The following LRRC63 variants were observed in gnomAD, a reference collection of about 807,000 sequenced individuals.
LRRC63 encodes leucine-rich repeat-containing protein 63.
Under a neutral mutation model 49.5 loss-of-function variants are expected in LRRC63, and 40 were observed. That is an observed-to-expected ratio of 0.81 (90% CI 0.63 to 1.05). The LOEUF is 1.05. Ranked by LOEUF, LRRC63 falls within the 50% of genes least tolerant of loss-of-function variation. The pLI, the probability that LRRC63 is intolerant of heterozygous loss-of-function variation, is 0.00. For missense variants in LRRC63, 636 were observed against 663.1 expected, an observed-to-expected ratio of 0.96 and a Z score of 0.45; for synonymous variants, 191 against 221.1, an observed-to-expected ratio of 0.86 and a Z score of 1.21.
chr13:46,253,026 G>A (rs1470506220), intron 7 of LRRC63, among the ~76,000 whole-genome samples: 1 of 151,940 alleles, frequency 6.6e-6, no homozygotes, highest in Non-Finnish European at 1.5e-5. Context: ...GGATGTGAGG[G>A]GATAAACAGA....
rs561926549 is a variant in LRRC63, at chr13:46,268,504, C to T, written c.1550+1532C>T. ...TACCTTGTGGTAAAACTGAAGAACC[C>T]CAAAGACAAAGATAAGAACCTAAAA... On this transcript the variant is annotated intron_variant, in intron 9 of 9. Coordinates refer to ENST00000595396, the Ensembl canonical transcript of LRRC63. Among the ~76,000 whole-genome samples the T allele has an allele frequency of 8.1e-5, 12 of 148,302 alleles. No homozygotes were observed. In the South Asian group the frequency reaches 2.5e-3, roughly 31 times the overall value.
At chr13:46,257,037 A>G (rs1369154555) in intron 7 of LRRC63, among the ~76,000 whole-genome samples, 1 of 152,212 alleles carries the variant, frequency 6.6e-6, no homozygotes, top group African/African-American at 2.4e-5. Flanking sequence ...AGTGGTCCCA[A>G]TCAAATCACA....
exon 10 of LRRC63, chr13:46,276,810 G>T: frequency 3.3e-6 from 2 of 609,246 alleles, no homozygotes; most frequent in Admixed American, 5.4e-5. Context: ...ATAGTACAAT[G>T]ATTTATCGTA....
At position 46,250,773 on chromosome 13, in the gene LRRC63, C is replaced by T. The variant is rs1187449663; in HGVS notation, c.1226+282C>T. ...TAAAGCAGTTCAGGTGAGAGCCTTGCACCTATCTCTTGACAGCCTTTTTGG... is the reference window on the plus strand; with the variant it reads ...TAAAGCAGTTCAGGTGAGAGCCTTGTACCTATCTCTTGACAGCCTTTTTGG... On this transcript the variant is annotated intron_variant, in intron 7 of 9. Coordinates refer to ENST00000595396, the Ensembl canonical transcript of LRRC63. Among the ~76,000 whole-genome samples the T allele has an allele frequency of 2.6e-5, 4 of 152,036 alleles. No homozygotes were observed. In the East Asian group the frequency reaches 5.8e-4, roughly 22 times the overall value.
chr13:46,275,371 T>C (rs1164851615), intron 9 of LRRC63, among the ~76,000 whole-genome samples: 1 of 152,168 alleles, frequency 6.6e-6, no homozygotes, highest in Admixed American at 6.5e-5. Flanking sequence ...GATAGCCTTA[T>C]TTTTAGTTTT....
intron 7 of LRRC63, among the ~76,000 whole-genome samples, chr13:46,259,756 C>A (rs1340101014): frequency 6.6e-6 from 1 of 151,978 alleles, no homozygotes; most frequent in Non-Finnish European, 1.5e-5. Flanking sequence ...ATTTTTTTAA[C>A]CTGTAAAAAA....
Position 46,265,040 on chromosome 13 carries a change from A to T in LRRC63, c.1311-1693A>T, listed in dbSNP as rs57188243. 9.2e-3 allele frequency among the ~76,000 whole-genome samples: 1,402 copies of T among 152,154 alleles called. 21 individuals are homozygous for T. The highest frequency in any genetic ancestry group is 0.031 in the African/African-American group (1,299 of 41,522). ...GGCGTGGTGGTGGTGGATGCCTGTA[A>T]TCCCAGCTACTCGTGAGACTGAGTC... On this transcript the variant is annotated intron_variant, in intron 8 of 9. Transcript: ENST00000595396.
chr13:46,225,139 A>C (rs542900934), intron 2 of LRRC63, among the ~76,000 whole-genome samples: 146 of 152,000 alleles, frequency 9.6e-4, no homozygotes, highest in Non-Finnish European at 1.5e-3. Context: ...GTGGTGAATG[A>C]CCCTCTGGGT....
At chr13:46,266,780 C>G in exon 9 of LRRC63, 1 of 1,549,486 alleles carries the variant, frequency 6.5e-7, no homozygotes, top group East Asian at 2.5e-5. Flanking sequence ...AGTTTTTTCC[C>G]CCATGGAATT....
At chr13:46,262,918 C>T (rs2047635026) in intron 8 of LRRC63, among the ~76,000 whole-genome samples, 1 of 152,046 alleles carries the variant, frequency 6.6e-6, no homozygotes, top group East Asian at 1.9e-4. Context: ...TATTTTGTTT[C>T]CTAGGAACGT....
In LRRC63 at chr13:46,269,906, C is replaced by CATATATATATAT. The variant is rs149054055; in HGVS notation, c.1550+2938_1550+2949dup. Reference sequence around the variant, plus strand: ...GTATAGATATAGTAGACACTATATACATATATATATATATAGTAGTCATCC... The same window carrying CATATATATATAT: ...GTATAGATATAGTAGACACTATATACATATATATATATATATATATATATATAGTAGTCATCC... On this transcript the variant is annotated intron_variant, in intron 9 of 9. Transcript: ENST00000595396. Among the ~76,000 whole-genome samples the CATATATATATAT allele has an allele frequency of 4.7e-3, 683 of 145,570 alleles. 5 individuals are homozygous for CATATATATATAT. The highest frequency in any genetic ancestry group is 0.037 in the East Asian group (184 of 5,006).
At chr13:46,271,159 A>T (rs2047752940) in intron 9 of LRRC63, among the ~76,000 whole-genome samples, 1 of 152,174 alleles carries the variant, frequency 6.6e-6, no homozygotes, top group Admixed American at 6.5e-5. Flanking sequence ...GACTTGAGTT[A>T]TGTGTGTATT....
At chr13:46,222,542 A>C (rs965480481) in intron 2 of LRRC63, among the ~76,000 whole-genome samples, 1 of 152,196 alleles carries the variant, frequency 6.6e-6, no homozygotes, top group African/African-American at 2.4e-5. Context: ...AATGGCAATC[A>C]TTAAAAAGTC....
rs2046657046 is a variant in LRRC63 at position 46,228,845 on chromosome 13, A to G, written c.832+112A>G. The G allele has an allele frequency of 8.8e-6, 6 of 684,054 alleles. No individual in the cohort carries two copies. The South Asian group carries it at 9.8e-5, about 11-fold the overall frequency. 42.4% of individuals were successfully genotyped at this position (684,054 alleles called of 1,614,324 possible). Reference sequence around the variant, plus strand: ...TGTGTGATTCACACATGCATAACACACATATGTCTTACCTCATTTTCAGCT... The same window carrying G: ...TGTGTGATTCACACATGCATAACACGCATATGTCTTACCTCATTTTCAGCT... On this transcript the variant is annotated intron_variant, in intron 4 of 9. Transcript: ENST00000595396.
At chr13:46,273,525 C>A (rs2047788247) in intron 9 of LRRC63, among the ~76,000 whole-genome samples, 1 of 151,406 alleles carries the variant, frequency 6.6e-6, no homozygotes, top group African/African-American at 2.4e-5. Context: ...TCACTTGAAC[C>A]CAGGAGCCTG....
intron 8 of LRRC63, among the ~76,000 whole-genome samples, chr13:46,265,240 G>A (rs547169738): frequency 3.9e-5 from 6 of 152,194 alleles, no homozygotes; most frequent in South Asian, 2.1e-4. Flanking sequence ...TGTGTCCTCC[G>A]AGGTAAACCA....
intron 2 of LRRC63, among the ~76,000 whole-genome samples, chr13:46,225,992 T>C (rs923853573): frequency 7.7e-6 from 1 of 129,908 alleles, no homozygotes; most frequent in African/African-American, 3.0e-5. Context: ...TTTTCCTTTT[T>C]CTTTTTTTTT....
chr13:46,227,902 C>G, exon 3 of LRRC63: 1 of 1,550,460 alleles, frequency 6.4e-7, no homozygotes, highest in African/African-American at 1.4e-5. Context: ...TTTTCCAAAC[C>G]TAAAAGTACT....
chr13:46,269,906 C>CAT (rs149054055), intron 9 of LRRC63, among the ~76,000 whole-genome samples: 15,978 of 145,522 alleles, frequency 0.11, 993 homozygotes, highest in African/African-American at 0.16. Flanking sequence ...ACACTATATA[C>CAT]ATATATATAT....
Sources: allele counts gnomAD v4.1 joint callset (sites outside exome capture counted in the v4.1 genomes callset), GRCh38; gene constraint gnomAD v4.1.1; transcripts MANE v1.5; gene names NCBI Gene and HGNC (gene_info 2026-07-23, HGNC 2026-07-21).